Variants in PYGM observed in about 807,000 individuals in gnomAD.
PYGM encodes the protein glycogen phosphorylase, muscle associated.
Under a neutral mutation model 99.3 loss-of-function variants are expected in PYGM, and 81 were observed. The ratio of observed to expected loss-of-function variants is 0.82; its 90% CI spans 0.68 to 0.98. The LOEUF (loss-of-function observed/expected upper bound fraction) is 0.98, where lower values mean the gene tolerates loss of function less well. Among genes scored for constraint, PYGM ranks in the 50% least tolerant of loss-of-function variants. PYGM has a pLI of 0.00. For synonymous variants in PYGM, 436 were observed against 451.5 expected (o/e 0.97, Z 0.44); for missense variants, 1,030 against 1,158.1 (o/e 0.89, Z 1.61).
At chr11:64,753,728 A>AT (rs1435026617) in intron 10 of PYGM, 46 bp from the exon 11 acceptor site, 1 of 1,534,626 alleles carries the variant, frequency 6.5e-7, no homozygotes, top group Non-Finnish European at 8.8e-7. Flanking sequence ...AGGAACCCCC[A>AT]TCCCCAGTCC....
In PYGM at chr11:64,753,660, C is replaced by T. The variant is rs762538125; in HGVS notation, c.1262G>A (p.Gly421Glu). The T allele has an allele frequency of 1.9e-6, 3 of 1,608,448 alleles. No individual in the cohort carries two copies. The highest frequency in any genetic ancestry group is 1.7e-5 in the Admixed American group (1 of 59,846). ...CATGCGCCGCAGCCGGTCTACGTCCCCTGGGAATGCGGCCGCCACCCGCTG... is the reference window on the plus strand; with the variant it reads ...CATGCGCCGCAGCCGGTCTACGTCCTCTGGGAATGCGGCCGCCACCCGCTG... ...FLNRVAAAFP[G>E]DVDRLRRMSL... Residue 421 changes from glycine to glutamate, a missense_variant, in exon 11 of 20, where the codon GGG becomes GAG. Transcript: ENST00000164139.
Position 64,753,938 on chromosome 11 carries a change from C to T in PYGM, c.1180G>A (p.Glu394Lys). 6.2e-7 allele frequency: 1 copy of T among 1,600,294 alleles called. No individual in the cohort carries two copies. Among genetic ancestry groups the T allele is most frequent in the South Asian group, 1.1e-5 (1 of 88,838 alleles). Residue 394 changes from glutamate (E) to lysine (K), a missense_variant, in exon 10 of 20, where the codon GAG becomes AAG. Transcript: ENST00000164139. Reference protein sequence around the residue: ...ALERWPVHLLETLLPRHLQII... With the variant: ...ALERWPVHLLKTLLPRHLQII... ...TGGAGGTGCCGCGGCAGCAGCGTCT[C>T]CAAGAGGTGCACCGGCCAGCGCTCC...
chr11:64,750,358 G>T lies in PYGM; in HGVS notation c.2177+18C>A. The T allele has an allele frequency of 1.2e-6, 2 of 1,613,914 alleles. No individual in the cohort carries two copies. The highest frequency in any genetic ancestry group is 1.1e-5 in the South Asian group (1 of 91,048). On this transcript the variant is annotated intron_variant, in intron 17 of 19. Coordinates refer to ENST00000164139, the MANE Select transcript of PYGM (RefSeq NM_005609.4). The stretch of plus-strand genomic sequence containing the variant: ...CCACACCTGGGTGTCTTTTGCCCGT[G>T]AACCCTGACCCCCATACCCTCTTTG...
chr11:64,746,549 G>C lies in PYGM; in HGVS notation c.*110C>G, dbSNP rs2058306983. On this transcript the variant is annotated 3_prime_UTR_variant, in exon 20 of 20. Transcript: ENST00000164139. Reference sequence around the variant, plus strand: ...AGAGTGGGGAAAATGAGGGTTCCAGGAGGGGCTTAGAGATCTAACTCCAGT... The same window carrying C: ...AGAGTGGGGAAAATGAGGGTTCCAGCAGGGGCTTAGAGATCTAACTCCAGT... The C allele has an allele frequency of 6.9e-7, 1 of 1,439,818 alleles. No individual in the cohort carries two copies. Among genetic ancestry groups the C allele is most frequent in the Admixed American group, 1.7e-5 (1 of 59,098 alleles). The allele number at this position is 1,439,818 out of a possible 1,614,324, so 89.2% of individuals were successfully genotyped here.
Position 64,759,964 on chromosome 11 carries a change from A to G in PYGM, c.-66T>C, listed in dbSNP as rs1051121040. On this transcript the variant is annotated 5_prime_UTR_variant, in exon 1 of 20. Transcript: ENST00000164139. ...GGACGGCGGCCTCAGCACTGCCTCCAGCCAAGGAGTGGAGCTCCCCAGCCT... is the reference window on the plus strand; with the variant it reads ...GGACGGCGGCCTCAGCACTGCCTCCGGCCAAGGAGTGGAGCTCCCCAGCCT... 1.9e-6 allele frequency: 3 copies of G among 1,596,746 alleles called. No homozygotes were observed. The African/African-American group carries it at 4.0e-5, about 21-fold the overall frequency.
Position 64,754,533 on chromosome 11 carries a change from A to T in PYGM, c.999+160T>A, listed in dbSNP as rs2058381419. On this transcript the variant is annotated intron_variant, in intron 8 of 19. Coordinates refer to ENST00000164139, the MANE Select transcript of PYGM (RefSeq NM_005609.4). The surrounding 1 kb of genome is among the most constrained non-coding windows in gnomAD (Gnocchi z 5.5). ...TGGGGCGGGAGGAGGAGGGAAGCCC[A>T]GGTTCTGAGCCTGTGGATTGTGAAT... 1 of 1,183,028 alleles carries T rather than the reference A, an allele frequency of 8.5e-7. No homozygotes were observed. Among genetic ancestry groups the T allele is most frequent in the Non-Finnish European group, 1.2e-6 (1 of 837,230 alleles). The allele number at this position is 1,183,028 out of a possible 1,614,324, so 73.3% of individuals were successfully genotyped here.
upstream of PYGM, among the ~76,000 whole-genome samples, chr11:64,760,617 G>C (rs2058428551): frequency 6.6e-6 from 1 of 152,266 alleles, no homozygotes; most frequent in Non-Finnish European, 1.5e-5. Flanking sequence ...CTAGCCTGCA[G>C]CACGGGGCCC....
At chr11:64,751,527 C>T (rs2058356205) in intron 15 of PYGM, 61 bp from the exon 16 acceptor site, 1 of 1,614,148 alleles carries the variant, frequency 6.2e-7, no homozygotes, top group Non-Finnish European at 8.5e-7. Context: ...TATCCTGCAA[C>T]TCAGCTGGGC....
At chr11:64,759,547 T>A (rs568745114) in intron 1 of PYGM, 109 bp downstream of exon 1, 3 of 1,530,126 alleles carry the variant, frequency 2.0e-6, no homozygotes, top group Middle Eastern at 4.8e-4. Flanking sequence ...CCCTGGATTC[T>A]CCACCCCCAA....
intron 19 of PYGM, 35 bp downstream of exon 19, chr11:64,746,886 A>ACC (rs755778979): frequency 6.2e-7 from 1 of 1,614,120 alleles, no homozygotes; most frequent in South Asian, 1.1e-5. Flanking sequence ...CAGGGCCACC[A>ACC]AAGCCCTGCC....
Position 64,753,678 on chromosome 11 carries a change from A to C in PYGM, c.1244T>G (p.Val415Gly). ...TACGTCCCCTGGGAATGCGGCCGCC[A>C]CCCGCTGTGCCCAGAGAGCCCAGAG... ...YEINQRFLNR[V>G]AAAFPGDVDR... Residue 415 changes from valine to glycine, a missense_variant, in exon 11 of 20, where the codon GTG becomes GGG. By Grantham distance (109) the Val-to-Gly change is moderately radical. Transcript: ENST00000164139. 6.2e-7 allele frequency: 1 copy of C among 1,606,430 alleles called. No individual in the cohort carries two copies.
Position 64,757,884 on chromosome 11 carries a change from G to A in PYGM, c.555C>T (p.Arg185=). The stretch of plus-strand genomic sequence containing the variant: ...GGGCCTTCTCCCAGGGGTTGCCGTA[G>A]CGAAGCCAGTCATCGGCCTCCTCCA... ...WQMEEADDWL[R]YGNPWEKARP... is the part of the protein sequence containing the mutation. The change falls in exon 5 of 20, where the codon CGC becomes CGT. Residue 185 remains arginine (R), a synonymous_variant. Coordinates refer to ENST00000164139, the MANE Select transcript of PYGM (RefSeq NM_005609.4). The A allele has an allele frequency of 1.9e-6, 3 of 1,614,124 alleles. No homozygotes were observed. The highest frequency in any genetic ancestry group is 2.5e-6 in the Non-Finnish European group (3 of 1,180,034).
chr11:64,752,390 C>T lies in PYGM; in HGVS notation c.1620+13G>A, dbSNP rs756571939. ...CACACAGCACAGCTGTCCCACATTGCATCTCTCCCCACCTGCTTCACTTTG... is the reference window on the plus strand; with the variant it reads ...CACACAGCACAGCTGTCCCACATTGTATCTCTCCCCACCTGCTTCACTTTG... On this transcript the variant is annotated intron_variant, in intron 13 of 19. Transcript: ENST00000164139. 4.3e-6 allele frequency: 7 copies of T among 1,611,576 alleles called. No homozygotes were observed. Among genetic ancestry groups the T allele is most frequent in the Admixed American group, 1.7e-5 (1 of 60,030 alleles).
Position 64,751,400 on chromosome 11 carries a change from T to A in PYGM, c.1894A>T (p.Asn632Tyr). ...CGGTCACCCACTGCCGGGTCATGGT[T>A]GACCACATCCCCGATGGCTGTGACG... is the stretch of plus-strand genomic sequence containing the variant. ...RLVTAIGDVV[N>Y]HDPAVGDRLR... is the part of the protein sequence containing the mutation. The change falls in exon 16 of 20, where the codon AAC becomes TAC. Residue 632 changes from asparagine to tyrosine, a missense_variant. Transcript: ENST00000164139. 1 of 1,614,190 alleles carries A rather than the reference T, an allele frequency of 6.2e-7. No individual in the cohort carries two copies. The highest frequency in any genetic ancestry group is 8.5e-7 in the Non-Finnish European group (1 of 1,180,040).
intron 12 of PYGM, 38 bp downstream of exon 12, chr11:64,753,035 C>T (rs2058367141): frequency 6.6e-7 from 1 of 1,521,124 alleles, no homozygotes; most frequent in Non-Finnish European, 9.1e-7. Flanking sequence ...CCTGCAGGGA[C>T]CCATGTTGAC....
intron 17 of PYGM, chr11:64,748,575 C>T (rs556510047): frequency 1.3e-3 from 205 of 152,148 alleles, no homozygotes; most frequent in African/African-American, 4.8e-3. Flanking sequence ...CAGATGTGGA[C>T]GTAGACATTA....
chr11:64,759,953 G>A lies in PYGM; in HGVS notation c.-55C>T. The A allele has an allele frequency of 6.2e-7, 1 of 1,603,000 alleles. No individual in the cohort carries two copies. The highest frequency in any genetic ancestry group is 1.1e-5 in the South Asian group (1 of 90,150). On this transcript the variant is annotated 5_prime_UTR_variant, in exon 1 of 20. Transcript: ENST00000164139. ...GATGGTAGAGGGGACGGCGGCCTCA[G>A]CACTGCCTCCAGCCAAGGAGTGGAG...
rs1295688123 is a variant in PYGM at position 64,746,920 on chromosome 11, C to G, written c.2379+1G>C. 6.2e-7 allele frequency: 1 copy of G among 1,614,092 alleles called. No individual in the cohort carries two copies. Among genetic ancestry groups the G allele is most frequent in the East Asian group, 2.2e-5 (1 of 44,900 alleles). ...CCAACCCCTGGCCCAGGACCCCTCA[C>G]CTTGTACAAGGCGCTGACTTTCTCC... On this transcript the variant is annotated splice_donor_variant, in intron 19 of 19. Transcript: ENST00000164139. LOFTEE classifies it high-confidence loss of function.
chr11:64,754,905 C>G lies in PYGM; in HGVS notation c.856-69G>C. ...TGGCCTAAAGCTGCGGTGGGTGTGG[C>G]CAGGAGGGACTCCCACCCATACCGG... On this transcript the variant is annotated intron_variant, in intron 7 of 19. Transcript: ENST00000164139. The surrounding 1 kb of genome is among the most constrained non-coding windows in gnomAD (Gnocchi z 5.5). 6.3e-7 allele frequency: 1 copy of G among 1,589,164 alleles called. No homozygotes were observed. Among genetic ancestry groups the G allele is most frequent in the Non-Finnish European group, 8.6e-7 (1 of 1,168,962 alleles).
Sources: gnomAD v4.1 joint callset for allele counts (sites outside exome capture counted in the v4.1 genomes callset) on GRCh38, gnomAD v4.1.1 for gene constraint, Gnocchi (gnomAD v3.1) non-coding constraint, MANE v1.5 for transcripts, NCBI Gene and HGNC (gene_info 2026-07-23, HGNC 2026-07-21) for gene names.